The following ACSM2A variants were observed in gnomAD, a reference collection of about 807,000 sequenced individuals.
ACSM2A encodes acyl-coenzyme A synthetase ACSM2A, mitochondrial.
In ACSM2A, 72 loss-of-function variants were observed where a neutral mutation model predicts 76.6. The observed-to-expected ratio is 0.94, with a 90% CI of 0.78 to 1.14. ACSM2A has a LOEUF of 1.14. Among genes scored for constraint, ACSM2A ranks in the 50% most tolerant of loss-of-function variants. The pLI is 0.00. For missense variants in ACSM2A, 684 were observed against 708.5 expected, an observed-to-expected ratio of 0.97 and a Z score of 0.39; for synonymous variants, 249 against 255.9, an observed-to-expected ratio of 0.97 and a Z score of 0.26.
At chr16:20,480,797 C>T in intron 11 of ACSM2A, 25 bp from the exon 12 acceptor site, 2 of 1,613,858 alleles carry the variant, frequency 1.2e-6, no homozygotes, top group Non-Finnish European at 1.7e-6. Flanking sequence ...GTCCAGTGTT[C>T]TCTGAAGGAC....
rs1284931568 is a variant in ACSM2A at position 20,483,424 on chromosome 16, G to A, written c.1629+247G>A. On this transcript the variant is annotated intron_variant, in intron 13 of 13. Transcript: ENST00000573854. ...ATCTCTACCCAAAATGCAAAAATTAGCCCGGTGTAGTGGCATGTGCCTGTA... is the reference window on the plus strand; with the variant it reads ...ATCTCTACCCAAAATGCAAAAATTAACCCGGTGTAGTGGCATGTGCCTGTA... Among the ~76,000 whole-genome samples the A allele has an allele frequency of 4.0e-5, 6 of 151,432 alleles. No individual in the cohort carries two copies. The East Asian group carries it at 9.8e-4, about 25-fold the overall frequency.
intron 6 of ACSM2A, 105 bp downstream of exon 6, chr16:20,471,794 C>T: frequency 1.3e-6 from 2 of 1,535,478 alleles, no homozygotes; most frequent in East Asian, 2.3e-5. Flanking sequence ...TGCTAAACCC[C>T]TGCCATGTGG....
intron 8 of ACSM2A, chr16:20,476,281 G>A (rs902422170): frequency 5.5e-5 from 54 of 985,046 alleles, no homozygotes; most frequent in Non-Finnish European, 9.7e-6. Flanking sequence ...TGTGCACAAT[G>A]TGGATTTATG....
In ACSM2A at chr16:20,465,747, G is replaced by T. The variant is rs759264916; in HGVS notation, c.388+20G>T. The stretch of plus-strand genomic sequence containing the variant: ...GAGCAGGTTGGTAACTGACTACCTG[G>T]ACAGAGAACTGTCTTCCTTGTGAAG... On this transcript the variant is annotated intron_variant, in intron 3 of 13. Coordinates refer to ENST00000573854, the MANE Select transcript of ACSM2A (RefSeq NM_001308172.2). 2.8e-5 allele frequency: 45 copies of T among 1,609,548 alleles called. No homozygotes were observed. Among genetic ancestry groups the T allele is most frequent in the Admixed American group, 1.7e-4 (10 of 59,792 alleles).
intron 1 of ACSM2A, among the ~76,000 whole-genome samples, chr16:20,458,638 C>T (rs1228183037): frequency 7.1e-6 from 1 of 141,124 alleles, no homozygotes; most frequent in Non-Finnish European, 1.5e-5. Flanking sequence ...ACTCCTGTGC[C>T]TTTCTTCATT....
intron 4 of ACSM2A, 37 bp from the exon 5 acceptor site, chr16:20,471,036 C>T (rs2141724365): frequency 1.2e-6 from 2 of 1,611,472 alleles, no homozygotes; most frequent in Middle Eastern, 3.5e-4. Flanking sequence ...GGTGTCCAGT[C>T]TAGCTCTGAA....
intron 9 of ACSM2A, 86 bp from the exon 10 acceptor site, chr16:20,478,490 C>T (rs1156798606): frequency 9.3e-6 from 14 of 1,498,576 alleles, no homozygotes; most frequent in Middle Eastern, 1.8e-4. Context: ...GAGGGTCTTT[C>T]ATTTGACCAA....
intron 1 of ACSM2A, 143 bp from the exon 2 acceptor site, chr16:20,459,964 G>C (rs1234259327): frequency 1.4e-6 from 2 of 1,385,748 alleles, no homozygotes; most frequent in Non-Finnish European, 1.9e-6. Flanking sequence ...AACAGATGCT[G>C]AGTGCCAATT....
At chr16:20,485,770 C>A (rs2014350546) in intron 13 of ACSM2A, among the ~76,000 whole-genome samples, 1 of 152,172 alleles carries the variant, frequency 6.6e-6, no homozygotes, top group South Asian at 2.1e-4. Context: ...TTTTCCATCT[C>A]AGTATCCCTA....
chr16:20,483,009 A>G, intron 12 of ACSM2A, 49 bp from the exon 13 acceptor site: 5 of 1,596,982 alleles, frequency 3.1e-6, no homozygotes, highest in Non-Finnish European at 4.3e-6. Context: ...ATTCCAGGAG[A>G]TGACTACACA....
chr16:20,467,223 C>G, intron 3 of ACSM2A, among the ~76,000 whole-genome samples: 1 of 152,150 alleles, frequency 6.6e-6, no homozygotes, highest in Non-Finnish European at 1.5e-5. Context: ...AAAGTAGTGG[C>G]AATAGAATGA....
chr16:20,476,948 T>A, intron 8 of ACSM2A: 1 of 171,646 alleles, frequency 5.8e-6, no homozygotes, highest in Non-Finnish European at 1.2e-5. Context: ...TCAAAACATC[T>A]CATATATTCC....
chr16:20,467,861 G>T (rs1386432786), intron 3 of ACSM2A, among the ~76,000 whole-genome samples: 1 of 151,986 alleles, frequency 6.6e-6, no homozygotes, highest in Non-Finnish European at 1.5e-5. Flanking sequence ...AAGTACAGTG[G>T]TATCAAAAAG....
At position 20,480,910 on chromosome 16, in the gene ACSM2A, G is replaced by C; in HGVS notation, c.1498G>C (p.Val500Leu). Residue 500 changes from valine (V) to leucine (L), a missense_variant, in exon 12 of 14, where the codon GTC (valine) becomes CTC (leucine). Physicochemically the swap from Val to Leu is conservative, Grantham distance 32 (BLOSUM62 1). Transcript: ENST00000573854. ...GGCTGTGATCAGCAGCCCAGACCCC[G>C]TCCGAGGAGAGGTGATGGGGAAGCA... is the stretch of plus-strand genomic sequence containing the variant. ...ETAVISSPDP[V>L]RGEVVKAFVV... 14 of 1,613,894 alleles carry C rather than the reference G, an allele frequency of 8.7e-6. No individual in the cohort carries two copies. Among genetic ancestry groups the C allele is most frequent in the Middle Eastern group, 1.7e-4 (1 of 6,056 alleles).
chr16:20,465,415 A>G, intron 2 of ACSM2A, 102 bp from the exon 3 acceptor site: 1 of 1,472,216 alleles, frequency 6.8e-7, no homozygotes, highest in Non-Finnish European at 9.1e-7. Flanking sequence ...GCTGAGATAA[A>G]AAACCTTACT....
chr16:20,469,162 A>G (rs552665610), intron 3 of ACSM2A, among the ~76,000 whole-genome samples: 15 of 152,222 alleles, frequency 9.9e-5, no homozygotes, highest in Admixed American at 3.3e-4. Context: ...TGATTCTTTA[A>G]TTATCATATG....
At chr16:20,485,996 T>C (rs192464711) in intron 13 of ACSM2A, among the ~76,000 whole-genome samples, 7 of 152,336 alleles carry the variant, frequency 4.6e-5, no homozygotes, top group Admixed American at 3.9e-4. Flanking sequence ...AGAGATTTTA[T>C]AGTTTTGCTT....
chr16:20,460,423 C>A, intron 2 of ACSM2A, 132 bp downstream of exon 2: 9 of 1,477,662 alleles, frequency 6.1e-6, no homozygotes, highest in Middle Eastern at 3.8e-4. Flanking sequence ...ACAAGACACT[C>A]GTCTTCCATG....
chr16:20,469,374 T>C, intron 3 of ACSM2A, 138 bp from the exon 4 acceptor site: 1 of 1,461,354 alleles, frequency 6.8e-7, no homozygotes, highest in South Asian at 1.5e-5. Flanking sequence ...AGTTCCCTTT[T>C]TTATTGACAC....
Sources: gnomAD v4.1 joint callset for allele counts (sites outside exome capture counted in the v4.1 genomes callset) on GRCh38, gnomAD v4.1.1 for gene constraint, MANE v1.5 for transcripts, NCBI Gene and HGNC (gene_info 2026-07-23, HGNC 2026-07-21) for gene names.